Variants in GMCL1 observed in about 807,000 individuals in gnomAD.
The protein encoded by GMCL1 is germ cell-less protein-like 1.
In GMCL1, 54 loss-of-function variants were observed where a neutral mutation model predicts 75.5. The ratio of observed to expected loss-of-function variants is 0.71; its 90% confidence interval spans 0.57 to 0.90. The LOEUF is 0.90. GMCL1 is among the 40% of genes least tolerant of loss of function. GMCL1 has a pLI of 0.00. For synonymous variants in GMCL1, 210 were observed against 209.6 expected, an observed-to-expected ratio of 1.00 and a Z score of -0.02; for missense variants, 537 against 622.7, an observed-to-expected ratio of 0.86 and a Z score of 1.47.
chr2:69,868,952 C>G (rs1573371383), intron 11 of GMCL1, among the ~76,000 whole-genome samples: 1 of 148,884 alleles, frequency 6.7e-6, no homozygotes. Flanking sequence ...CGTCTCTACT[C>G]AAAATACAAA....
chr2:69,854,729 A>T, intron 8 of GMCL1, 94 bp from the exon 9 acceptor site: 1 of 946,728 alleles, frequency 1.1e-6, no homozygotes, highest in South Asian at 1.8e-5. Context: ...TTGTATTCTA[A>T]TAGACATGAA....
chr2:69,831,276 AT>A (rs558508740), intron 1 of GMCL1, among the ~76,000 whole-genome samples: 34 of 152,346 alleles, frequency 2.2e-4, no homozygotes, highest in African/African-American at 7.5e-4. Context: ...AGTGTTATAT[AT>A]TGTAAAAAAG....
chr2:69,829,695 G>C lies in GMCL1; in HGVS notation c.-198G>C, dbSNP rs574760474. 25 of 608,632 alleles carry C rather than the reference G, an allele frequency of 4.1e-5. No homozygotes were observed. In the Admixed American group the frequency reaches 6.1e-4, roughly 15 times the overall value. 37.7% of individuals were successfully genotyped at this position (608,632 alleles called of 1,614,324 possible). A position where few individuals can be genotyped will look rare whatever the true frequency, so the allele number is the denominator to read the frequency against. On this transcript the variant is annotated 5_prime_UTR_variant, in exon 1 of 14. Transcript: ENST00000282570. Reference sequence around the variant, plus strand: ...GAAAGCGAGGGGGCGAGGTGCTGCGGTGCTAGAGCGCGGCGCGACCGGACG... The same window carrying C: ...GAAAGCGAGGGGGCGAGGTGCTGCGCTGCTAGAGCGCGGCGCGACCGGACG...
intron 3 of GMCL1, 83 bp from the exon 4 acceptor site, chr2:69,840,859 G>A (rs564804741): frequency 3.5e-6 from 3 of 847,950 alleles, no homozygotes; most frequent in African/African-American, 3.4e-5. Context: ...CTTTGTGTGT[G>A]AAGACAGTCG....
chr2:69,874,997 C>T (rs1174075770), intron 13 of GMCL1, among the ~76,000 whole-genome samples: 8 of 151,656 alleles, frequency 5.3e-5, no homozygotes, highest in African/African-American at 1.7e-4. Context: ...CACCTGCCTC[C>T]GCCTCCCAAA....
At chr2:69,855,133 A>G (rs896648961) in intron 9 of GMCL1, among the ~76,000 whole-genome samples, 173 bp downstream of exon 9, 1 of 152,178 alleles carries the variant, frequency 6.6e-6, no homozygotes, top group Non-Finnish European at 1.5e-5. Context: ...CTTACATATC[A>G]TGAGTATTTT....
intron 11 of GMCL1, 88 bp from the exon 12 acceptor site, chr2:69,869,631 G>A: frequency 7.5e-7 from 1 of 1,336,360 alleles, no homozygotes; most frequent in Non-Finnish European, 1.0e-6. Context: ...CTTGGAATGA[G>A]TTAGAGACAA....
chr2:69,838,336 C>CAAAAAAAAAAAAAAAAAAAAAAA (rs71397366), intron 2 of GMCL1, among the ~76,000 whole-genome samples: 2 of 31,536 alleles, frequency 6.3e-5, no homozygotes, highest in Admixed American at 4.3e-4. Context: ...GACTCTGTCT[C>CAAAAAAAAAAAAAAAAAAAAAAA]AAAAAAAAAA....
In GMCL1 at chr2:69,830,139, A is replaced by C. The variant is rs1157516502; in HGVS notation, c.247A>C (p.Asn83His). The C allele has an allele frequency of 2.6e-6, 4 of 1,566,856 alleles. No homozygotes were observed. Among genetic ancestry groups the C allele is most frequent in the Non-Finnish European group, 2.6e-6 (3 of 1,155,608 alleles). The change falls in exon 1 of 14, where the codon AAC (asparagine) becomes CAC (histidine). Residue 83 changes from asparagine (N) to histidine (H), a missense_variant. Around this residue, in one of 3 missense-constraint regions of GMCL1, gnomAD observed 144 missense variants for 127.2 expected, o/e 1.13. Coordinates refer to ENST00000282570, the MANE Select transcript of GMCL1 (RefSeq NM_178439.5). ...EEGDEQQRLL[N>H]TPRRKKLKST... ...GGGGGACGAGCAGCAGCGGCTCCTC[A>C]ACACCCCTCGAAGGTACGTGGGGGC...
chr2:69,842,333 A>G (rs1675010647), intron 4 of GMCL1, among the ~76,000 whole-genome samples: 1 of 152,162 alleles, frequency 6.6e-6, no homozygotes, highest in Non-Finnish European at 1.5e-5. Context: ...GTTTACTTTT[A>G]TGTGGTATTT....
rs372890545 is a variant in GMCL1 at position 69,843,269 on chromosome 2, G to A, written c.692+8G>A. 6.8e-7 allele frequency: 1 copy of A among 1,478,542 alleles called. No individual in the cohort carries two copies. The highest frequency in any genetic ancestry group is 1.7e-5 in the Admixed American group (1 of 59,134). 91.6% of individuals were successfully genotyped at this position (1,478,542 alleles called of 1,614,324 possible). A position where few individuals can be genotyped will look rare whatever the true frequency, so the allele number is the denominator to read the frequency against. ...AGATTCTGTAAAGAAAAAGTGAGTT[G>A]CCTTTCTTGTTTTTCTTCCTATCCC... On this transcript the variant is annotated splice_region_variant and intron_variant, in intron 5 of 13. Transcript: ENST00000282570.
chr2:69,835,398 G>C (rs973381685), intron 1 of GMCL1, among the ~76,000 whole-genome samples: 1 of 151,372 alleles, frequency 6.6e-6, no homozygotes, highest in Non-Finnish European at 1.5e-5. Flanking sequence ...TCTTTTCCCT[G>C]AATTATATGT....
At chr2:69,860,582 G>A (rs1372909586) in intron 9 of GMCL1, among the ~76,000 whole-genome samples, 1 of 151,836 alleles carries the variant, frequency 6.6e-6, no homozygotes, top group Non-Finnish European at 1.5e-5. Flanking sequence ...TCAATTTTCT[G>A]TCAGAACTTC....
chr2:69,861,406 GCATT>G, intron 10 of GMCL1, 59 bp downstream of exon 10: 1 of 1,028,548 alleles, frequency 9.7e-7, no homozygotes, highest in Non-Finnish European at 1.5e-6. Context: ...ATTTTTTAAT[GCATT>G]CATTATGTTG....
intron 4 of GMCL1, 94 bp from the exon 5 acceptor site, chr2:69,843,052 CTTT>C (rs142916866): frequency 2.8e-5 from 9 of 325,178 alleles, no homozygotes; most frequent in Admixed American, 4.5e-5. Flanking sequence ...TTTCTTTCTT[CTTT>C]TTTTTTTTCT....
intron 8 of GMCL1, among the ~76,000 whole-genome samples, chr2:69,852,143 G>A (rs890930970): frequency 2.0e-5 from 3 of 152,186 alleles, no homozygotes; most frequent in African/African-American, 7.2e-5. Flanking sequence ...AAGACAAAGA[G>A]ACTCAGTAGA....
chr2:69,837,496 T>TA (rs1674852199), intron 1 of GMCL1, 51 bp from the exon 2 acceptor site: 2 of 1,312,000 alleles, frequency 1.5e-6, no homozygotes, highest in Non-Finnish European at 2.1e-6. Context: ...GCAAAATCAG[T>TA]AAAACATTCA....
rs186775911 is a variant in GMCL1, at chr2:69,856,726, C to A, written c.1072+1766C>A. ...AAGACTTTCTGGCTCTCACACCCTA[C>A]TAATATAGGGCCAGGAGACCACCGT... On this transcript the variant is annotated intron_variant, in intron 9 of 13. Transcript: ENST00000282570. Among the ~76,000 whole-genome samples the A allele has an allele frequency of 5.8e-5, 8 of 136,844 alleles. No homozygotes were observed. The East Asian group carries it at 2.0e-3, about 34-fold the overall frequency. The allele number at this position is 136,844 out of a possible 152,430, so 89.8% of individuals were successfully genotyped here. A position where few individuals can be genotyped will look rare whatever the true frequency, so the allele number is the denominator to read the frequency against.
At chr2:69,864,780 G>C in intron 10 of GMCL1, 120 bp from the exon 11 acceptor site, 1 of 645,558 alleles carries the variant, frequency 1.5e-6, no homozygotes, top group Non-Finnish European at 2.7e-6. Flanking sequence ...ATTTTTATCT[G>C]TACCACAAAA....
Sources: gnomAD v4.1 joint callset for allele counts (sites outside exome capture counted in the v4.1 genomes callset) on GRCh38, gnomAD v4.1.1 for gene constraint, gnomAD v4.1.1 regional missense constraint, MANE v1.5 for transcripts, NCBI Gene and HGNC (gene_info 2026-07-23, HGNC 2026-07-21) for gene names.